Variants in CYFIP1 observed in about 807,000 individuals in gnomAD.
The protein encoded by CYFIP1 is cytoplasmic FMR1 interacting protein 1.
In CYFIP1, 58 loss-of-function variants were observed where a neutral mutation model predicts 163.5. That is an observed-to-expected ratio of 0.35 (90% CI 0.29 to 0.44). The LOEUF is 0.44. CYFIP1 is among the 20% of genes least tolerant of loss of function. CYFIP1 has a pLI of 1.00. For missense variants in CYFIP1, 1,338 were observed against 1,653.8 expected (o/e 0.81, Z 3.31); for synonymous variants, 663 against 660.7 (o/e 1.00, Z -0.05).
At chr15:22,946,911 A>G in intron 3 of CYFIP1, 92 bp downstream of exon 3, 1 of 1,048,832 alleles carries the variant, frequency 9.5e-7, no homozygotes, top group Non-Finnish European at 1.5e-6. Flanking sequence ...TCCTCACTGC[A>G]TAGTCTATTG....
chr15:22,923,795 T>C (rs1217589253), intron 13 of CYFIP1, among the ~76,000 whole-genome samples: 3 of 151,498 alleles, frequency 2.0e-5, no homozygotes, highest in Non-Finnish European at 4.4e-5. Flanking sequence ...ATTTAAAAAT[T>C]AGTCAGGCAT....
intron 1 of CYFIP1, among the ~76,000 whole-genome samples, chr15:22,955,504 C>T (rs1386864347): frequency 2.0e-5 from 3 of 152,058 alleles, no homozygotes; most frequent in Non-Finnish European, 2.9e-5. Context: ...GTTGCCCCGG[C>T]GTGGGCAGGC....
At chr15:22,915,895 A>G (rs1388377723) in intron 16 of CYFIP1, among the ~76,000 whole-genome samples, 1 of 152,158 alleles carries the variant, frequency 6.6e-6, no homozygotes, top group East Asian at 1.9e-4. Flanking sequence ...CTCGAACTCC[A>G]TCCTTTCATG....
chr15:22,897,788 C>T (rs1309530055), intron 22 of CYFIP1, among the ~76,000 whole-genome samples: 2 of 152,186 alleles, frequency 1.3e-5, no homozygotes, highest in African/African-American at 4.8e-5. Context: ...CCAGCCTCAA[C>T]AGAGTTCCAT....
intron 26 of CYFIP1, among the ~76,000 whole-genome samples, 195 bp downstream of exon 26, chr15:22,879,718 T>C (rs2141867382): frequency 6.6e-6 from 1 of 150,564 alleles, no homozygotes. Flanking sequence ...GACAGTGAAC[T>C]ACAGTACATT....
At chr15:22,872,798 G>T (rs751622807) in intron 30 of CYFIP1, 27 bp downstream of exon 30, 2 of 1,610,926 alleles carry the variant, frequency 1.2e-6, no homozygotes, top group Non-Finnish European at 8.5e-7. Flanking sequence ...AAGGTCCATA[G>T]ATGGTGCGAG....
At chr15:22,882,592 C>T (rs1009217415) in intron 24 of CYFIP1, among the ~76,000 whole-genome samples, 3 of 152,188 alleles carry the variant, frequency 2.0e-5, no homozygotes, top group Non-Finnish European at 4.4e-5. Context: ...ATCTCTGGAG[C>T]CCAGGAGTTC....
chr15:22,906,757 G>A (rs1013443475), intron 21 of CYFIP1, among the ~76,000 whole-genome samples: 4 of 152,144 alleles, frequency 2.6e-5, no homozygotes, highest in Non-Finnish European at 4.4e-5. Flanking sequence ...GAGCCACAGC[G>A]CCCGGCCAGC....
chr15:22,874,028 G>A (rs892602926), intron 28 of CYFIP1, among the ~76,000 whole-genome samples: 4 of 152,316 alleles, frequency 2.6e-5, no homozygotes, highest in East Asian at 1.9e-4. Context: ...AATGAACCCC[G>A]GTGCCCGGCC....
At chr15:22,967,532 C>A (rs1017102236) in intron 1 of CYFIP1, among the ~76,000 whole-genome samples, 3 of 152,168 alleles carry the variant, frequency 2.0e-5, no homozygotes, top group Non-Finnish European at 4.4e-5. Flanking sequence ...CGGCCTGTGT[C>A]TTCACACACA....
intron 6 of CYFIP1, among the ~76,000 whole-genome samples, chr15:22,942,063 A>G (rs528937399): frequency 5.3e-5 from 8 of 152,358 alleles, no homozygotes; most frequent in Non-Finnish European, 8.8e-5. Flanking sequence ...GGTCAACTCC[A>G]GAGACCTTTC....
chr15:22,962,448 G>A (rs1164529763), intron 1 of CYFIP1, among the ~76,000 whole-genome samples: 4 of 150,772 alleles, frequency 2.7e-5, no homozygotes, highest in Non-Finnish European at 4.4e-5. Context: ...GCCCACGCTG[G>A]AATACAATGG....
At chr15:22,901,604 T>C (rs1034477409) in intron 22 of CYFIP1, among the ~76,000 whole-genome samples, 2 of 152,204 alleles carry the variant, frequency 1.3e-5, no homozygotes, top group Non-Finnish European at 2.9e-5. Flanking sequence ...GTCACACATT[T>C]ACCCACTGTA....
chr15:22,927,891 G>A lies in CYFIP1; in HGVS notation c.1233+15C>T, dbSNP rs116171636. The A allele has an allele frequency of 3.1e-6, 5 of 1,590,388 alleles. No homozygotes were observed. The highest frequency in any genetic ancestry group is 2.3e-5 in the East Asian group (1 of 43,006). Reference sequence around the variant, plus strand: ...GCAGCTTTGGAGCGGGGCTGGGGTCGGGGACGGGGCCTACCACTTCCATCA... The same window carrying A: ...GCAGCTTTGGAGCGGGGCTGGGGTCAGGGACGGGGCCTACCACTTCCATCA... On this transcript the variant is annotated intron_variant, in intron 12 of 30. Transcript: ENST00000617928.
chr15:22,953,908 T>C (rs2062348724), intron 1 of CYFIP1, among the ~76,000 whole-genome samples: 1 of 151,714 alleles, frequency 6.6e-6, no homozygotes, highest in Non-Finnish European at 1.5e-5. Flanking sequence ...ACAAAAAAAT[T>C]AGCCAGGCGT....
At position 22,910,726 on chromosome 15, in the gene CYFIP1, C is replaced by T; in HGVS notation, c.2159+11G>A. Reference sequence around the variant, plus strand: ...AACGTTTTGTATCAAAATCACACACCAGATACTCACCTTCCTGCCATAACC... The same window carrying T: ...AACGTTTTGTATCAAAATCACACACTAGATACTCACCTTCCTGCCATAACC... On this transcript the variant is annotated intron_variant, in intron 19 of 30. Coordinates refer to ENST00000617928, the MANE Select transcript of CYFIP1 (RefSeq NM_014608.6). 1 of 1,611,916 alleles carries T rather than the reference C, an allele frequency of 6.2e-7. No individual in the cohort carries two copies. The highest frequency in any genetic ancestry group is 8.5e-7 in the Non-Finnish European group (1 of 1,177,988).
At chr15:22,942,712 G>A (rs1336204889) in intron 6 of CYFIP1, among the ~76,000 whole-genome samples, 3 of 152,186 alleles carry the variant, frequency 2.0e-5, no homozygotes, top group African/African-American at 7.2e-5. Context: ...CACGGGCCAC[G>A]TCTGCACATT....
chr15:22,968,166 G>A (rs968778762), intron 1 of CYFIP1, among the ~76,000 whole-genome samples: 4 of 151,882 alleles, frequency 2.6e-5, no homozygotes, highest in African/African-American at 7.3e-5. Context: ...AAAATAAAAC[G>A]CAAATTATTT....
chr15:22,888,706 A>G (rs572746221), intron 23 of CYFIP1, among the ~76,000 whole-genome samples: 4 of 147,068 alleles, frequency 2.7e-5, no homozygotes, highest in African/African-American at 7.5e-5. Context: ...CAATCCAGCA[A>G]TGGGTGACAA....
Sources: allele counts gnomAD v4.1 joint callset (sites outside exome capture counted in the v4.1 genomes callset), GRCh38; gene constraint gnomAD v4.1.1; transcripts MANE v1.5; gene names NCBI Gene and HGNC (gene_info 2026-07-23, HGNC 2026-07-21).